The following STAU2 variants were observed in gnomAD, a reference collection of about 807,000 sequenced individuals.
The protein encoded by STAU2 is double-stranded RNA-binding protein Staufen homolog 2.
A neutral mutation model predicts 65.9 loss-of-function variants in STAU2; 20 were observed. That is an observed-to-expected ratio of 0.30 (90% CI 0.21 to 0.44). The LOEUF is 0.44. STAU2 is among the 20% of genes least tolerant of loss of function. STAU2 has a pLI of 1.00. For missense variants in STAU2, 558 were observed against 683.9 expected, an observed-to-expected ratio of 0.82 and a Z score of 2.05; for synonymous variants, 232 against 233.9, an observed-to-expected ratio of 0.99 and a Z score of 0.07.
intron 5 of STAU2, among the ~76,000 whole-genome samples, chr8:73,682,323 C>T (rs2130474809): frequency 6.6e-6 from 1 of 151,830 alleles, no homozygotes; most frequent in African/African-American, 2.4e-5. Flanking sequence ...GCAAAAGGAA[C>T]ACTCAAAAAG....
chr8:73,608,340 G>C (rs965453714), intron 9 of STAU2, among the ~76,000 whole-genome samples: 1 of 152,126 alleles, frequency 6.6e-6, no homozygotes, highest in Non-Finnish European at 1.5e-5. Flanking sequence ...AAGCACAGTG[G>C]CTCACTCCTG....
At chr8:73,693,592 G>GA (rs1237220650) in intron 4 of STAU2, among the ~76,000 whole-genome samples, 1 of 151,614 alleles carries the variant, frequency 6.6e-6, no homozygotes, top group Non-Finnish European at 1.5e-5. Flanking sequence ...CCATCGACAT[G>GA]AACATTCTGT....
chr8:73,515,784 T>C (rs1822681319), intron 13 of STAU2, among the ~76,000 whole-genome samples: 1 of 132,840 alleles, frequency 7.5e-6, no homozygotes, highest in Non-Finnish European at 1.6e-5. Flanking sequence ...TTTTTTTTTT[T>C]TTTTTTTTTT....
chr8:73,512,745 C>T (rs1822481426), intron 13 of STAU2, among the ~76,000 whole-genome samples: 1 of 152,136 alleles, frequency 6.6e-6, no homozygotes, highest in African/African-American at 2.4e-5. Flanking sequence ...CCTTTCAAAG[C>T]TACACGCTGA....
chr8:73,622,716 T>C (rs905526180), intron 6 of STAU2, among the ~76,000 whole-genome samples: 2 of 152,216 alleles, frequency 1.3e-5, no homozygotes, highest in African/African-American at 2.4e-5. Flanking sequence ...ACTTCAGAGA[T>C]GTTTTATTGA....
chr8:73,628,886 C>T (rs1261575885), intron 6 of STAU2, among the ~76,000 whole-genome samples: 1 of 152,208 alleles, frequency 6.6e-6, no homozygotes, highest in African/African-American at 2.4e-5. Flanking sequence ...GCCCAGGCAT[C>T]TACTCCAGTG....
intron 4 of STAU2, among the ~76,000 whole-genome samples, chr8:73,706,430 T>C (rs1005312541): frequency 3.3e-5 from 5 of 152,132 alleles, no homozygotes; most frequent in African/African-American, 9.7e-5. Flanking sequence ...AGAAAATTAA[T>C]GAGTTGAAAC....
At chr8:73,470,344 A>G (rs1201043931) in intron 13 of STAU2, among the ~76,000 whole-genome samples, 2 of 152,214 alleles carry the variant, frequency 1.3e-5, no homozygotes, top group African/African-American at 4.8e-5. Flanking sequence ...AATTTAAGGC[A>G]GAAGAGAATT....
intron 4 of STAU2, among the ~76,000 whole-genome samples, chr8:73,698,821 C>T (rs1033096340): frequency 3.3e-5 from 5 of 150,714 alleles, no homozygotes; most frequent in Non-Finnish European, 5.9e-5. Flanking sequence ...TAGATATTTA[C>T]ACATTTCATC....
chr8:73,671,215 G>C (rs1166653642), intron 6 of STAU2, among the ~76,000 whole-genome samples: 1 of 152,052 alleles, frequency 6.6e-6, no homozygotes, highest in Non-Finnish European at 1.5e-5. Flanking sequence ...CGGATAACTT[G>C]AGGTCAGGAG....
chr8:73,623,827 C>T (rs778600035), intron 6 of STAU2, among the ~76,000 whole-genome samples: 3 of 152,096 alleles, frequency 2.0e-5, no homozygotes, highest in African/African-American at 4.8e-5. Flanking sequence ...GAAGACAGTT[C>T]TTTCTCTATT....
At chr8:73,512,468 G>C (rs572464212) in intron 13 of STAU2, among the ~76,000 whole-genome samples, 1 of 152,150 alleles carries the variant, frequency 6.6e-6, no homozygotes, top group African/African-American at 2.4e-5. Flanking sequence ...GCATCTCTGT[G>C]TTTAAACTGA....
At chr8:73,528,921 T>C (rs184463734) in intron 13 of STAU2, among the ~76,000 whole-genome samples, 4 of 152,206 alleles carry the variant, frequency 2.6e-5, no homozygotes, top group African/African-American at 9.6e-5. Flanking sequence ...AAAATTACAA[T>C]ATGAGCCCTA....
chr8:73,550,599 A>G, intron 13 of STAU2: 1 of 977,168 alleles, frequency 1.0e-6, no homozygotes, highest in Non-Finnish European at 1.2e-6. Context: ...TTATAGATAG[A>G]ACTAAAAATT....
intron 12 of STAU2, among the ~76,000 whole-genome samples, chr8:73,572,674 A>C (rs760880562): frequency 2.6e-5 from 4 of 152,252 alleles, no homozygotes; most frequent in Non-Finnish European, 4.4e-5. Context: ...AGATGCAGAA[A>C]AGGCCTTTGA....
chr8:73,595,340 T>C (rs772295512), intron 10 of STAU2, 43 bp from the exon 11 acceptor site: 1 of 1,526,986 alleles, frequency 6.5e-7, no homozygotes, highest in Non-Finnish European at 8.8e-7. Context: ...ACATTTATGA[T>C]AAATTTAAAC....
intron 4 of STAU2, among the ~76,000 whole-genome samples, chr8:73,692,832 C>T (rs917459026): frequency 6.6e-6 from 1 of 152,108 alleles, no homozygotes; most frequent in African/African-American, 2.4e-5. Context: ...AATTCGCTGG[C>T]GTGGAAAAAA....
At chr8:73,577,230 C>G (rs1036795824) in intron 12 of STAU2, among the ~76,000 whole-genome samples, 1 of 151,960 alleles carries the variant, frequency 6.6e-6, no homozygotes, top group East Asian at 1.9e-4. Flanking sequence ...AGATCGAGAC[C>G]ATCCTGGCTA....
rs1817096561 is a variant in STAU2 at position 73,429,448 on chromosome 8, T to TTTG, written c.1531-6749_1531-6747dup. On this transcript the variant is annotated intron_variant, in intron 13 of 14. Coordinates refer to ENST00000524300, the MANE Select transcript of STAU2 (RefSeq NM_001164380.2). Reference sequence around the variant, plus strand: ...TTTTTTTTTTTTTTTTTTTTTTTTTTTTGAGGCAAAGTCTCACTCTGTTGC... The same window carrying TTTG: ...TTTTTTTTTTTTTTTTTTTTTTTTTTTTGTTGAGGCAAAGTCTCACTCTGTTGC... Among the ~76,000 whole-genome samples the TTTG allele has an allele frequency of 2.2e-5, 3 of 139,050 alleles. 1 individual carries two copies. Among genetic ancestry groups the TTTG allele is most frequent in the African/African-American group, 5.4e-5 (2 of 36,724 alleles). 91.2% of individuals were successfully genotyped at this position (139,050 alleles called of 152,430 possible).
Sources: gnomAD v4.1 joint callset for allele counts (sites outside exome capture counted in the v4.1 genomes callset) on GRCh38, gnomAD v4.1.1 for gene constraint, MANE v1.5 for transcripts, NCBI Gene and HGNC (gene_info 2026-07-23, HGNC 2026-07-21) for gene names.